The following RBMS1 variants were observed in gnomAD, a reference collection of about 807,000 sequenced individuals.
RBMS1 encodes the protein RNA-binding motif, single-stranded-interacting protein 1.
A neutral mutation model predicts 62.3 loss-of-function variants in RBMS1; 17 were observed. The observed-to-expected ratio is 0.27, with a 90% CI of 0.19 to 0.41. The LOEUF (loss-of-function observed/expected upper bound fraction) is 0.41. Among genes scored for constraint, RBMS1 ranks in the 10% least tolerant of loss-of-function variants. The pLI is 1.00. For missense variants in RBMS1, 334 were observed against 504.5 expected (o/e 0.66, Z 3.24); for synonymous variants, 172 against 170.0 (o/e 1.01, Z -0.09).
intron 1 of RBMS1, among the ~76,000 whole-genome samples, chr2:160,411,969 A>T (rs1696057233): frequency 6.6e-6 from 1 of 152,262 alleles, no homozygotes; most frequent in African/African-American, 2.4e-5. Flanking sequence ...AAGTCTAAAA[A>T]AAGGTCTGTT....
At chr2:160,432,735 C>T (rs527692003) in intron 1 of RBMS1, among the ~76,000 whole-genome samples, 2 of 152,206 alleles carry the variant, frequency 1.3e-5, no homozygotes, top group African/African-American at 2.4e-5. Flanking sequence ...GTAAAGGTCA[C>T]GCAGGCCACC....
At chr2:160,372,463 G>C (rs1310238203) in intron 1 of RBMS1, among the ~76,000 whole-genome samples, 1 of 152,154 alleles carries the variant, frequency 6.6e-6, no homozygotes, top group African/African-American at 2.4e-5. Context: ...AAAGCAGACA[G>C]AAGTTTACAG....
In RBMS1 at chr2:160,493,458, A is replaced by AGCGGCG. The variant is rs1200874502; in HGVS notation, c.-101_-96dup. The AGCGGCG allele has an allele frequency of 2.5e-5, 31 of 1,219,504 alleles. No individual in the cohort carries two copies. The highest frequency in any genetic ancestry group is 1.2e-4 in the East Asian group (5 of 40,478). The allele number at this position is 1,219,504 out of a possible 1,614,324, so 75.5% of individuals were successfully genotyped here. A position where few individuals can be genotyped will look rare whatever the true frequency, so the allele number is the denominator to read the frequency against. ...CCTCTCCCTTTCCGGCGGCGGCGGC[A>AGCGGCG]GCGGCGGCGGCGGCGGCGGCTGCTG... On this transcript the variant is annotated 5_prime_UTR_variant, in exon 1 of 14. Coordinates refer to ENST00000348849, the MANE Select transcript of RBMS1 (RefSeq NM_016836.4).
intron 1 of RBMS1, among the ~76,000 whole-genome samples, chr2:160,473,512 A>G (rs1367017544): frequency 6.6e-6 from 1 of 152,216 alleles, no homozygotes; most frequent in Non-Finnish European, 1.5e-5. Context: ...GGAGGAAGGA[A>G]AGGCAGAGAA....
At chr2:160,460,081 C>A (rs1559579277) in intron 1 of RBMS1, among the ~76,000 whole-genome samples, 1 of 152,198 alleles carries the variant, frequency 6.6e-6, no homozygotes. Context: ...CAGATGCTCC[C>A]TGAAGCAGGT....
chr2:160,367,118 CT>C (rs1380639664), intron 2 of RBMS1, 97 bp downstream of exon 2: 8 of 1,227,858 alleles, frequency 6.5e-6, no homozygotes. Flanking sequence ...TCCACAGATA[CT>C]TCTTATAAAC....
At chr2:160,472,925 A>G (rs1190314723) in intron 1 of RBMS1, among the ~76,000 whole-genome samples, 1 of 152,218 alleles carries the variant, frequency 6.6e-6, no homozygotes, top group Non-Finnish European at 1.5e-5. Context: ...AATGACTATC[A>G]TGAGTACACA....
intron 2 of RBMS1, among the ~76,000 whole-genome samples, chr2:160,335,242 G>A (rs1239579647): frequency 6.6e-6 from 1 of 152,048 alleles, no homozygotes; most frequent in Non-Finnish European, 1.5e-5. Flanking sequence ...TCAAACTAAT[G>A]AACCAAGTGA....
intron 4 of RBMS1, among the ~76,000 whole-genome samples, chr2:160,310,430 C>A (rs957312570): frequency 6.6e-6 from 1 of 152,200 alleles, no homozygotes; most frequent in Non-Finnish European, 1.5e-5. Context: ...ATTCTATAAA[C>A]TGTATTTGCT....
At chr2:160,335,735 C>A (rs1025031105) in intron 2 of RBMS1, among the ~76,000 whole-genome samples, 2 of 152,130 alleles carry the variant, frequency 1.3e-5, no homozygotes, top group Admixed American at 6.5e-5. Flanking sequence ...TTATATACTT[C>A]CAAAACTACA....
intron 1 of RBMS1, among the ~76,000 whole-genome samples, chr2:160,440,063 G>T (rs978275785): frequency 6.9e-6 from 1 of 144,284 alleles, no homozygotes; most frequent in Admixed American, 7.0e-5. Flanking sequence ...GGGAGAGGGA[G>T]ACCGTGGAGA....
At chr2:160,353,108 C>T (rs1163548704) in intron 2 of RBMS1, among the ~76,000 whole-genome samples, 1 of 152,072 alleles carries the variant, frequency 6.6e-6, no homozygotes, top group Non-Finnish European at 1.5e-5. Context: ...TGATACTGTT[C>T]TGCAACTGTT....
intron 1 of RBMS1, among the ~76,000 whole-genome samples, chr2:160,462,616 T>C (rs72978885): frequency 0.025 from 3,807 of 152,302 alleles, 70 homozygotes; most frequent in Middle Eastern, 0.061. Context: ...GTCATTTCTT[T>C]CTTTTTTTTG....
chr2:160,471,710 T>TATATATATATATATATATATAC (rs1344293326), intron 1 of RBMS1, among the ~76,000 whole-genome samples: 4 of 114,160 alleles, frequency 3.5e-5, no homozygotes, highest in Non-Finnish European at 7.5e-5. Context: ...TATATATATA[T>TATATATATATATATATATATAC]ATATATAACC....
intron 1 of RBMS1, among the ~76,000 whole-genome samples, chr2:160,434,226 G>A (rs1345302428): frequency 1.3e-5 from 2 of 152,172 alleles, no homozygotes; most frequent in East Asian, 3.8e-4. Context: ...TAGTTCATGA[G>A]AAGTGTTTAG....
At chr2:160,484,330 C>T (rs1414481990) in intron 1 of RBMS1, among the ~76,000 whole-genome samples, 1 of 151,514 alleles carries the variant, frequency 6.6e-6, no homozygotes, top group Admixed American at 6.6e-5. Flanking sequence ...CCCGCCTCTA[C>T]TAAAAATCCA....
In RBMS1 at chr2:160,318,229, T is replaced by TAAAAAAAAAAAAAAAAAAAAAGAAA; in HGVS notation, c.252-3_252-2insTTTCTTTTTTTTTTTTTTTTTTTTT. ...TTTGTGGAGACTATTTTCCCATATC[T>TAAAAAAAAAAAAAAAAAAAAAGAAA]AAAAAAAAAAAAAAAAAAAAAAAGG... On this transcript the variant is annotated splice_polypyrimidine_tract_variant and splice_region_variant and intron_variant, in intron 2 of 13. Coordinates refer to ENST00000348849, the MANE Select transcript of RBMS1 (RefSeq NM_016836.4). 8.6e-7 allele frequency: 1 copy of TAAAAAAAAAAAAAAAAAAAAAGAAA among 1,163,252 alleles called. No individual in the cohort carries two copies. Among genetic ancestry groups the TAAAAAAAAAAAAAAAAAAAAAGAAA allele is most frequent in the Non-Finnish European group, 1.1e-6 (1 of 929,826 alleles). The allele number at this position is 1,163,252 out of a possible 1,614,324, so 72.1% of individuals were successfully genotyped here.
At chr2:160,396,795 C>T (rs935741025) in intron 1 of RBMS1, among the ~76,000 whole-genome samples, 5 of 152,008 alleles carry the variant, frequency 3.3e-5, no homozygotes, top group Non-Finnish European at 7.4e-5. Context: ...GAACTCCTGA[C>T]CTCGTAATCC....
intron 2 of RBMS1, among the ~76,000 whole-genome samples, chr2:160,337,424 G>C (rs1298392265): frequency 1.3e-5 from 2 of 152,016 alleles, no homozygotes. Context: ...GTAAGCCATC[G>C]TGCCTGGCCC....
Sources: gnomAD v4.1 joint callset for allele counts (sites outside exome capture counted in the v4.1 genomes callset) on GRCh38, gnomAD v4.1.1 for gene constraint, MANE v1.5 for transcripts, NCBI Gene and HGNC (gene_info 2026-07-23, HGNC 2026-07-21) for gene names.